NLGN1: variants seen among roughly 807,000 people sequenced by gnomAD.
NLGN1 encodes neuroligin 1, also known as neuroligin-1.
NLGN1 carries 12 observed loss-of-function variants against 65.5 expected under a neutral mutation model. That is an observed-to-expected ratio of 0.18 (90% CI 0.12 to 0.30). The LOEUF (loss-of-function observed/expected upper bound fraction) is 0.30, where lower values mean the gene tolerates loss of function less well. Among genes scored for constraint, NLGN1 ranks in the 10% least tolerant of loss-of-function variants. NLGN1 has a pLI of 1.00. For synonymous variants in NLGN1, 350 were observed against 359.5 expected, an observed-to-expected ratio of 0.97 and a Z score of 0.30; for missense variants, 750 against 1,007.1, an observed-to-expected ratio of 0.74 and a Z score of 3.46.
chr3:173,762,220 G>C (rs1778062461), intron 3 of NLGN1, among the ~76,000 whole-genome samples: 1 of 152,082 alleles, frequency 6.6e-6, no homozygotes, highest in African/African-American at 2.4e-5. Flanking sequence ...GTTGATGATA[G>C]ATTCCAGGGA....
intron 4 of NLGN1, among the ~76,000 whole-genome samples, chr3:174,258,721 C>A (rs550129550): frequency 1.3e-5 from 2 of 152,118 alleles, no homozygotes; most frequent in East Asian, 3.9e-4. Context: ...CAATAACAGA[C>A]CTATATTCCT....
intron 4 of NLGN1, among the ~76,000 whole-genome samples, chr3:174,185,811 A>G (rs1305347839): frequency 6.6e-6 from 1 of 151,736 alleles, no homozygotes; most frequent in Non-Finnish European, 1.5e-5. Flanking sequence ...ATTAACCAAA[A>G]AAAAACAAAA....
At chr3:174,281,463 T>G (rs1751534188) in exon 7 of NLGN1, 2 of 552,202 alleles carry the variant, frequency 3.6e-6, no homozygotes, top group South Asian at 3.1e-5. Context: ...AAATGAATTG[T>G]ATATATACAA....
chr3:173,736,542 T>C (rs945083179), intron 3 of NLGN1, among the ~76,000 whole-genome samples: 1 of 151,996 alleles, frequency 6.6e-6, no homozygotes, highest in African/African-American at 2.4e-5. Flanking sequence ...TTCTGACTTG[T>C]TTTTTATTTC....
At position 173,632,291 on chromosome 3, in the gene NLGN1, G is replaced by A. The variant is rs568776931; in HGVS notation, c.493+27200G>A. ...GTTAGATATTTTTGTTGTGACATGG[G>A]GCTTCCCAAATGGTGGTTGTGCAAA... On this transcript the variant is annotated intron_variant, in intron 3 of 6. Coordinates refer to ENST00000457714, the Ensembl canonical transcript of NLGN1. Among the ~76,000 whole-genome samples, 3 of 152,160 alleles carry A rather than the reference G, an allele frequency of 2.0e-5. No individual in the cohort carries two copies. The East Asian group carries it at 5.8e-4, about 29-fold the overall frequency.
At chr3:174,096,010 T>A (rs1745459776) in intron 4 of NLGN1, among the ~76,000 whole-genome samples, 1 of 151,326 alleles carries the variant, frequency 6.6e-6, no homozygotes, top group African/African-American at 2.4e-5. Context: ...AAAAAATAAA[T>A]AAATAAATAA....
intron 4 of NLGN1, among the ~76,000 whole-genome samples, chr3:173,867,157 T>G (rs1372337236): frequency 6.6e-6 from 1 of 152,262 alleles, no homozygotes; most frequent in African/African-American, 2.4e-5. Flanking sequence ...AAATAAAATT[T>G]AAAATGTAAC....
chr3:173,998,881 G>A (rs908630658), intron 4 of NLGN1, among the ~76,000 whole-genome samples: 6 of 152,156 alleles, frequency 3.9e-5, no homozygotes, highest in Non-Finnish European at 7.4e-5. Context: ...CATGCTGAAT[G>A]CCATCACTTG....
At chr3:174,031,266 A>C (rs1314659406) in intron 4 of NLGN1, among the ~76,000 whole-genome samples, 1 of 152,182 alleles carries the variant, frequency 6.6e-6, no homozygotes. Flanking sequence ...ACTCTGAGCC[A>C]GGCTAACTTT....
intron 3 of NLGN1, among the ~76,000 whole-genome samples, chr3:173,647,949 A>G (rs1304146494): frequency 6.6e-6 from 1 of 152,146 alleles, no homozygotes; most frequent in African/African-American, 2.4e-5. Flanking sequence ...AGGCACTATT[A>G]TTAAGATATC....
chr3:173,587,668 A>G (rs142288421), intron 2 of NLGN1, among the ~76,000 whole-genome samples: 2 of 152,316 alleles, frequency 1.3e-5, no homozygotes, highest in East Asian at 3.9e-4. Context: ...AAAATGTGGT[A>G]GTTTGGGGTA....
intron 2 of NLGN1, among the ~76,000 whole-genome samples, chr3:173,535,209 A>G (rs1450918080): frequency 2.0e-5 from 3 of 152,246 alleles, no homozygotes; most frequent in Non-Finnish European, 4.4e-5. Flanking sequence ...ACAGACTTCA[A>G]ATTTGGTGCT....
At chr3:173,583,401 G>A (rs768592416) in intron 2 of NLGN1, among the ~76,000 whole-genome samples, 2 of 152,132 alleles carry the variant, frequency 1.3e-5, no homozygotes, top group Admixed American at 6.5e-5. Context: ...TAAATTAGCC[G>A]TGGGCCAAAA....
chr3:173,649,298 A>T (rs1458754600), intron 3 of NLGN1, among the ~76,000 whole-genome samples: 2 of 152,086 alleles, frequency 1.3e-5, no homozygotes, highest in African/African-American at 4.8e-5. Flanking sequence ...ATAGATAAGG[A>T]TACAATCTTG....
At chr3:174,158,421 A>G (rs971482192) in intron 4 of NLGN1, among the ~76,000 whole-genome samples, 1 of 151,804 alleles carries the variant, frequency 6.6e-6, no homozygotes, top group Non-Finnish European at 1.5e-5. Flanking sequence ...GAAAGAAGAG[A>G]TAACATTTCT....
At chr3:174,000,304 G>A (rs534296922) in intron 4 of NLGN1, among the ~76,000 whole-genome samples, 8 of 151,980 alleles carry the variant, frequency 5.3e-5, no homozygotes, top group East Asian at 1.9e-4. Context: ...GAATTTTTCC[G>A]TAACATTTAA....
intron 4 of NLGN1, among the ~76,000 whole-genome samples, chr3:174,145,791 A>C (rs1018439631): frequency 5.9e-5 from 9 of 152,234 alleles, no homozygotes; most frequent in Non-Finnish European, 1.3e-4. Flanking sequence ...CTAACGGTGC[A>C]TATATTTTAA....
intron 2 of NLGN1, among the ~76,000 whole-genome samples, chr3:173,568,476 C>T (rs1021169602): frequency 6.6e-6 from 1 of 152,146 alleles, no homozygotes; most frequent in Non-Finnish European, 1.5e-5. Context: ...TCAAAGTGAA[C>T]CACCCGCCTC....
At chr3:173,559,976 CT>C (rs939268947) in intron 2 of NLGN1, among the ~76,000 whole-genome samples, 13 of 136,520 alleles carry the variant, frequency 9.5e-5, no homozygotes, top group African/African-American at 3.4e-4. Context: ...ACGAGTCTCG[CT>C]CTGTCGCCCA....
Sources: allele counts gnomAD v4.1 joint callset (sites outside exome capture counted in the v4.1 genomes callset), GRCh38; gene constraint gnomAD v4.1.1; transcripts MANE v1.5; gene names NCBI Gene and HGNC (gene_info 2026-07-23, HGNC 2026-07-21).